Variants in PLXNA4 observed in about 807,000 individuals in gnomAD.
PLXNA4 encodes the protein plexin A4, also known as plexin-A4.
In PLXNA4, 44 loss-of-function variants were observed where a neutral mutation model predicts 191.8. The ratio of observed to expected loss-of-function variants is 0.23; its 90% CI spans 0.18 to 0.29. PLXNA4 has a LOEUF of 0.29. Among genes scored for constraint, PLXNA4 ranks in the 10% least tolerant of loss-of-function variants. The pLI, the probability that PLXNA4 is intolerant of heterozygous loss-of-function variation, is 1.00. For missense variants in PLXNA4, 1,800 were observed against 2,488.8 expected (o/e 0.72, Z 5.89); for synonymous variants, 1,082 against 1,009.5 (o/e 1.07, Z -1.36).
At position 132,226,226 on chromosome 7, in the gene PLXNA4, T is replaced by C; in HGVS notation, c.1917A>G (p.Ser639=). ...DHHVVQLQLK[S]KETGMTFAST... ...TGGCGAAGGTCATGCCGGTCTCCTTTGATTTGAGCTGAAGCTGTACGACAT... is the reference window on the plus strand; with the variant it reads ...TGGCGAAGGTCATGCCGGTCTCCTTCGATTTGAGCTGAAGCTGTACGACAT... The change falls in exon 8 of 32, where the codon TCA becomes TCG. Residue 639 remains serine, a synonymous_variant. Transcript: ENST00000321063. 6.2e-7 allele frequency: 1 copy of C among 1,613,788 alleles called. No individual in the cohort carries two copies. The highest frequency in any genetic ancestry group is 8.5e-7 in the Non-Finnish European group (1 of 1,179,932).
intron 3 of PLXNA4, among the ~76,000 whole-genome samples, chr7:132,471,016 G>A (rs1036025599): frequency 4.6e-5 from 7 of 152,140 alleles, no homozygotes; most frequent in South Asian, 4.1e-4. Flanking sequence ...TGGGGCCTTG[G>A]GGGGTGTGAT....
At chr7:132,400,914 G>A (rs567055113) in intron 3 of PLXNA4, among the ~76,000 whole-genome samples, 2 of 152,334 alleles carry the variant, frequency 1.3e-5, no homozygotes, top group African/African-American at 4.8e-5. Flanking sequence ...AAAAATAGCA[G>A]GAGAAAACTG....
intron 3 of PLXNA4, among the ~76,000 whole-genome samples, chr7:132,380,127 C>A (rs10269601): frequency 0.17 from 25,596 of 152,204 alleles, 2,764 homozygotes; most frequent in African/African-American, 0.28. Context: ...CCAGGAGTAG[C>A]AGCAGCCCCT....
intron 1 of PLXNA4, among the ~76,000 whole-genome samples, chr7:132,553,798 T>C (rs1395884092): frequency 7.2e-5 from 11 of 152,118 alleles, no homozygotes; most frequent in African/African-American, 2.7e-4. Context: ...GGCTATTTGC[T>C]GAGAATTAGG....
At chr7:132,588,703 G>A (rs929915648) in intron 2 of PLXNA4, among the ~76,000 whole-genome samples, 4 of 134,126 alleles carry the variant, frequency 3.0e-5, no homozygotes, top group Non-Finnish European at 6.4e-5. Flanking sequence ...AGGGAGGGAG[G>A]GGAGAGGAAG....
In PLXNA4 at chr7:132,231,786, C is replaced by T. The variant is rs536942431; in HGVS notation, c.1605-3317G>A. ...GCAAATCAAAGACAAAAGAAAGGCA[C>T]GGCTGCAGCAGTTTTCCTCCTAATA... On this transcript the variant is annotated intron_variant, in intron 5 of 31. Transcript: ENST00000321063. Among the ~76,000 whole-genome samples, 25 of 152,286 alleles carry T rather than the reference C, an allele frequency of 1.6e-4. 1 individual carries two copies. In the South Asian group the frequency reaches 5.0e-3, roughly 30 times the overall value.
chr7:132,223,613 G>A lies in PLXNA4; in HGVS notation c.2011C>T (p.Arg671Cys), dbSNP rs199651527. Residue 671 changes from arginine (R) to cysteine (C), a missense_variant, in exon 9 of 32, where the codon CGC becomes TGC. Transcript: ENST00000321063. ...TGCCGGTATTTACACCAGTGGCAGC[G>A]GTATGGACTCTCCACGCAGGACAGG... Reference protein sequence around the residue: ...SCLSCVESPYRCHWCKYRHVC... With the variant: ...SCLSCVESPYCCHWCKYRHVC... 3.3e-5 allele frequency: 54 copies of A among 1,613,690 alleles called. No homozygotes were observed. Among genetic ancestry groups the A allele is most frequent in the Admixed American group, 2.5e-4 (15 of 59,992 alleles).
In PLXNA4 at chr7:132,174,166, A is replaced by G. The variant is rs189801683; in HGVS notation, c.4017+612T>C. On this transcript the variant is annotated intron_variant, in intron 21 of 31. Coordinates refer to ENST00000321063, the MANE Select transcript of PLXNA4 (RefSeq NM_020911.2). ...TATTTTTCACTTTTCTCTGGTATTT[A>G]TCTCTGTAAGCCATTCCAAAGCCCT... Among the ~76,000 whole-genome samples the G allele has an allele frequency of 3.9e-4, 59 of 152,292 alleles. 1 individual carries two copies. In the Middle Eastern group the frequency reaches 0.01, roughly 26 times the overall value.
At chr7:132,486,631 T>C (rs1189919000) in intron 3 of PLXNA4, among the ~76,000 whole-genome samples, 1 of 152,238 alleles carries the variant, frequency 6.6e-6, no homozygotes, top group East Asian at 1.9e-4. Flanking sequence ...AACTGACCCT[T>C]GCGCTCTTAC....
intron 5 of PLXNA4, among the ~76,000 whole-genome samples, chr7:132,231,260 G>A (rs1184364288): frequency 6.6e-6 from 1 of 152,180 alleles, no homozygotes; most frequent in Admixed American, 6.5e-5. Flanking sequence ...GATTATGTGA[G>A]TAAAGCATTA....
intron 3 of PLXNA4, among the ~76,000 whole-genome samples, chr7:132,355,151 T>G (rs904778260): frequency 4.6e-5 from 7 of 152,136 alleles, no homozygotes; most frequent in Non-Finnish European, 8.8e-5. Flanking sequence ...CAGCAGGTAA[T>G]GCACTGGTAA....
chr7:132,486,768 G>A (rs564796426), intron 3 of PLXNA4, among the ~76,000 whole-genome samples: 3 of 152,338 alleles, frequency 2.0e-5, no homozygotes, highest in East Asian at 1.9e-4. Context: ...TGCCGGCCGC[G>A]GTTTATGAAG....
intron 7 of PLXNA4, 104 bp from the exon 8 acceptor site, chr7:132,226,364 G>A (rs1798323364): frequency 2.1e-6 from 2 of 968,144 alleles, no homozygotes; most frequent in East Asian, 2.5e-5. Context: ...TCCCCAGGCG[G>A]CTGTTGGCTT....
chr7:132,131,121 A>C (rs1430617138), intron 31 of PLXNA4, among the ~76,000 whole-genome samples: 1 of 152,240 alleles, frequency 6.6e-6, no homozygotes, highest in Non-Finnish European at 1.5e-5. Flanking sequence ...TAGAAGAGTA[A>C]GACTACAAGC....
chr7:132,184,748 A>AG (rs11409682), intron 16 of PLXNA4, among the ~76,000 whole-genome samples: 77,936 of 152,036 alleles, frequency 0.51, 23,941 homozygotes, highest in African/African-American at 0.85. Flanking sequence ...GGGAAAGGGC[A>AG]GGAACAAGAC....
intron 4 of PLXNA4, among the ~76,000 whole-genome samples, chr7:132,249,737 C>T (rs1007241792): frequency 2.9e-4 from 44 of 152,222 alleles, no homozygotes; most frequent in African/African-American, 1.0e-3. Flanking sequence ...GCCTGCCAGA[C>T]ACCACTGGCT....
At chr7:132,575,641 G>A (rs1185324806) in intron 1 of PLXNA4, among the ~76,000 whole-genome samples, 1 of 152,180 alleles carries the variant, frequency 6.6e-6, no homozygotes, top group Non-Finnish European at 1.5e-5. Context: ...TGCTAAGCAG[G>A]CACTGAGGCT....
intron 3 of PLXNA4, among the ~76,000 whole-genome samples, chr7:132,450,453 T>C (rs1237963009): frequency 6.6e-6 from 1 of 152,186 alleles, no homozygotes; most frequent in African/African-American, 2.4e-5. Flanking sequence ...ATACCGTAAA[T>C]GCCTCTGACA....
chr7:132,296,098 C>T (rs74599145), intron 4 of PLXNA4, among the ~76,000 whole-genome samples: 2,221 of 152,200 alleles, frequency 0.015, 28 homozygotes, highest in South Asian at 0.049. Flanking sequence ...CCAGTGTCGG[C>T]CCAGGTGTTA....
Sources: gnomAD v4.1 joint callset for allele counts (sites outside exome capture counted in the v4.1 genomes callset) on GRCh38, gnomAD v4.1.1 for gene constraint, MANE v1.5 for transcripts, NCBI Gene and HGNC (gene_info 2026-07-23, HGNC 2026-07-21) for gene names.